IPCEF1: variants seen among roughly 807,000 people sequenced by gnomAD.
IPCEF1 encodes the protein interaction protein for cytohesin exchange factors 1, also known as interactor protein for cytohesin exchange factors 1.
A neutral mutation model predicts 50.9 loss-of-function variants in IPCEF1; 31 were observed. The observed-to-expected ratio is 0.61, with a 90% CI of 0.46 to 0.82. The LOEUF is 0.82. Ranked by LOEUF, IPCEF1 falls within the 40% of genes least tolerant of loss-of-function variation. The probability of loss-of-function intolerance (pLI) is 0.00; values close to 1 mark genes in which losing one functional copy is unlikely to be tolerated. For missense variants in IPCEF1, 458 were observed against 514.0 expected, an observed-to-expected ratio of 0.89 and a Z score of 1.05; for synonymous variants, 181 against 192.0, an observed-to-expected ratio of 0.94 and a Z score of 0.47.
At chr6:154,257,814 C>T (rs1161991171) in intron 3 of IPCEF1, among the ~76,000 whole-genome samples, 4 of 152,102 alleles carry the variant, frequency 2.6e-5, no homozygotes, top group African/African-American at 7.2e-5. Context: ...ATGCTCCCAC[C>T]GCAGCCTTCC....
chr6:154,301,546 A>G (rs1169172015), intron 1 of IPCEF1, among the ~76,000 whole-genome samples: 1 of 152,196 alleles, frequency 6.6e-6, no homozygotes, highest in Non-Finnish European at 1.5e-5. Flanking sequence ...CTTAAATCCA[A>G]CTGGCTGGTT....
At chr6:154,227,982 A>C (rs1325271093) in intron 5 of IPCEF1, among the ~76,000 whole-genome samples, 1 of 96,582 alleles carries the variant, frequency 1.0e-5, no homozygotes, top group Non-Finnish European at 2.1e-5. Flanking sequence ...TGCTTATTTG[A>C]CTTGCAAAAA....
intron 2 of IPCEF1, among the ~76,000 whole-genome samples, chr6:154,279,363 G>A (rs2128662985): frequency 6.6e-6 from 1 of 152,324 alleles, no homozygotes; most frequent in South Asian, 2.1e-4. Flanking sequence ...AAGATGTCGT[G>A]TGTTCATTCA....
At chr6:154,271,650 G>A (rs1171890819) in intron 2 of IPCEF1, among the ~76,000 whole-genome samples, 1 of 152,064 alleles carries the variant, frequency 6.6e-6, no homozygotes, top group Non-Finnish European at 1.5e-5. Flanking sequence ...GGGTACATGA[G>A]GCTCCTAAGT....
At chr6:154,269,925 C>G (rs1173155462) in intron 2 of IPCEF1, among the ~76,000 whole-genome samples, 1 of 152,056 alleles carries the variant, frequency 6.6e-6, no homozygotes. Flanking sequence ...ATAGGTAGCT[C>G]CAAGGTTTTG....
intron 10 of IPCEF1, among the ~76,000 whole-genome samples, chr6:154,172,407 G>A (rs141711568): frequency 8.5e-5 from 13 of 152,262 alleles, no homozygotes; most frequent in South Asian, 8.3e-4. Flanking sequence ...ATGAGTAACC[G>A]TACCTGGAGG....
At chr6:154,321,670 C>G (rs1173855841) in intron 1 of IPCEF1, among the ~76,000 whole-genome samples, 1 of 149,790 alleles carries the variant, frequency 6.7e-6, no homozygotes, top group Non-Finnish European at 1.5e-5. Context: ...GTTCCAGCTA[C>G]TTGGGAGGCT....
intron 1 of IPCEF1, among the ~76,000 whole-genome samples, chr6:154,301,622 T>A (rs1782797907): frequency 6.6e-6 from 1 of 152,172 alleles, no homozygotes; most frequent in African/African-American, 2.4e-5. Flanking sequence ...AAGGTACACC[T>A]ATTACTCTAT....
intron 1 of IPCEF1, among the ~76,000 whole-genome samples, chr6:154,325,814 C>T (rs1783504507): frequency 6.6e-6 from 1 of 152,140 alleles, no homozygotes; most frequent in Non-Finnish European, 1.5e-5. Context: ...ACTCTAGAAA[C>T]ACATTCTTTA....
chr6:154,245,442 T>C (rs565684961), intron 5 of IPCEF1, among the ~76,000 whole-genome samples: 5 of 152,292 alleles, frequency 3.3e-5, no homozygotes, highest in African/African-American at 7.2e-5. Context: ...TTTAACCAAA[T>C]CTTTAATGAA....
At chr6:154,304,852 G>T (rs538391481) in intron 1 of IPCEF1, among the ~76,000 whole-genome samples, 6 of 152,302 alleles carry the variant, frequency 3.9e-5, no homozygotes, top group African/African-American at 7.2e-5. Flanking sequence ...GGTGGCTCAC[G>T]CCTGTAATCC....
chr6:154,212,761 G>A lies in IPCEF1; in HGVS notation c.537+9C>T, dbSNP rs547006066. 24 of 1,583,268 alleles carry A rather than the reference G, an allele frequency of 1.5e-5. No homozygotes were observed. Among genetic ancestry groups the A allele is most frequent in the South Asian group, 1.3e-4 (12 of 90,400 alleles). ...CGATGACCAACAGACTACTTATGTCGGTACATACCAAAGACTGAGTCTGGG... is the reference window on the plus strand; with the variant it reads ...CGATGACCAACAGACTACTTATGTCAGTACATACCAAAGACTGAGTCTGGG... On this transcript the variant is annotated intron_variant, in intron 9 of 11. Coordinates refer to ENST00000367220, the MANE Select transcript of IPCEF1 (RefSeq NM_001130700.2).
At chr6:154,305,163 C>T (rs986728828) in intron 1 of IPCEF1, among the ~76,000 whole-genome samples, 3 of 130,574 alleles carry the variant, frequency 2.3e-5, no homozygotes, top group African/African-American at 1.2e-4. Flanking sequence ...TGTGAGAAGA[C>T]TGTGCCTCCT....
Position 154,171,463 on chromosome 6 carries a change from G to A in IPCEF1, c.911-3350C>T, listed in dbSNP as rs181810877. Among the ~76,000 whole-genome samples, 10 of 152,082 alleles carry A rather than the reference G, an allele frequency of 6.6e-5. No homozygotes were observed. In the East Asian group the frequency reaches 1.7e-3, roughly 26 times the overall value. ...CAGAATAATAATTGCCTGGGGTCTG[G>A]GAGGGGACAAGCAGGAGTGGAGAAT... On this transcript the variant is annotated intron_variant, in intron 10 of 11. Transcript: ENST00000367220.
chr6:154,321,735 G>T (rs868782170), intron 1 of IPCEF1, among the ~76,000 whole-genome samples: 2 of 133,106 alleles, frequency 1.5e-5, no homozygotes, highest in Admixed American at 1.8e-4. Flanking sequence ...AGCCAAGATC[G>T]CACCATTGCA....
In IPCEF1 at chr6:154,167,819, A is replaced by C. The variant is rs1799559948; in HGVS notation, c.1104+101T>G. 6 of 867,240 alleles carry C rather than the reference A, an allele frequency of 6.9e-6. No homozygotes were observed. In the South Asian group the frequency reaches 1.3e-4, roughly 18 times the overall value. 53.7% of individuals were successfully genotyped at this position (867,240 alleles called of 1,614,324 possible). On this transcript the variant is annotated intron_variant, in intron 11 of 11. Coordinates refer to ENST00000367220, the MANE Select transcript of IPCEF1 (RefSeq NM_001130700.2). ...ATTTACTTTTACAGCCCTTCCCTGC[A>C]ACCACACAAACATGCTGTGATTAGC...
At chr6:154,234,610 C>T (rs770997522) in intron 5 of IPCEF1, among the ~76,000 whole-genome samples, 7 of 152,200 alleles carry the variant, frequency 4.6e-5, no homozygotes, top group Non-Finnish European at 8.8e-5. Flanking sequence ...CACATTACGT[C>T]ATATTTAGGT....
chr6:154,177,124 T>C (rs1468901137), intron 10 of IPCEF1, among the ~76,000 whole-genome samples: 2 of 152,146 alleles, frequency 1.3e-5, no homozygotes, highest in South Asian at 2.1e-4. Flanking sequence ...TTACACCTTA[T>C]ACAAAAATTA....
intron 1 of IPCEF1, among the ~76,000 whole-genome samples, chr6:154,308,312 T>C (rs1199579507): frequency 6.6e-6 from 1 of 152,108 alleles, no homozygotes; most frequent in African/African-American, 2.4e-5. Context: ...GATGTTTTGT[T>C]TTTTTTCGCA....
Sources: gnomAD v4.1 joint callset for allele counts (sites outside exome capture counted in the v4.1 genomes callset) on GRCh38, gnomAD v4.1.1 for gene constraint, MANE v1.5 for transcripts, NCBI Gene and HGNC (gene_info 2026-07-23, HGNC 2026-07-21) for gene names.